IAH1: variants seen among roughly 807,000 people sequenced by gnomAD.
The protein encoded by IAH1 is isoamyl acetate hydrolyzing esterase 1 (putative).
In IAH1, 24 loss-of-function variants were observed where a neutral mutation model predicts 26.7. That is an observed-to-expected ratio of 0.90 (90% confidence interval 0.65 to 1.26). IAH1 has a LOEUF of 1.26. Among genes scored for constraint, IAH1 ranks in the 50% most tolerant of loss-of-function variants. The probability of loss-of-function intolerance (pLI) is 0.00; values close to 1 mark genes in which losing one functional copy is unlikely to be tolerated. For synonymous variants in IAH1, 140 were observed against 118.5 expected, an observed-to-expected ratio of 1.18 and a Z score of -1.18; for missense variants, 300 against 299.9, an observed-to-expected ratio of 1.00 and a Z score of 0.00.
chr2:9,490,664 T>C (rs181123889), downstream of IAH1: 4 of 830,180 alleles, frequency 4.8e-6, no homozygotes, highest in East Asian at 1.1e-4. Flanking sequence ...TCACTCAACC[T>C]AAGTGACTAA....
chr2:9,502,933 G>A, the IAH1 span, among the ~76,000 whole-genome samples: 148 of 149,966 alleles, frequency 9.9e-4, no homozygotes, highest in African/African-American at 3.5e-3. Flanking sequence ...GAGGTTAGGG[G>A]TTTGAGACCA....
downstream of IAH1, among the ~76,000 whole-genome samples, chr2:9,500,277 G>T (rs948721220): frequency 2.0e-4 from 31 of 152,170 alleles, no homozygotes; most frequent in African/African-American, 7.0e-4. Context: ...GCTATGTTCA[G>T]TGAAAGAAGC....
rs1180822722 is a variant in IAH1, at chr2:9,474,584, C to A, written c.18C>A (p.Ala6=). 2.0e-6 allele frequency: 3 copies of A among 1,528,306 alleles called. No individual in the cohort carries two copies. The highest frequency in any genetic ancestry group is 1.4e-5 in the African/African-American group (1 of 69,252). 94.7% of individuals were successfully genotyped at this position (1,528,306 alleles called of 1,614,324 possible). ...GCTGCTCCATGGCGCTGTGCGAGGC[C>A]GCGGGCTGCGGGAGTGCCCTGCTCT... MALCE[A]AGCGSALLWP... is the part of the protein sequence containing the mutation. The change falls in exon 1 of 6, where the codon GCC becomes GCA. Residue 6 remains alanine, a synonymous_variant. Transcript: ENST00000497473. This position sits in a 1 kb window ranked among gnomAD's most constrained non-coding sequence, Gnocchi z 4.3.
rs1660762147 is a variant in IAH1 at position 9,476,012 on chromosome 2, G to GA, written c.108dup (p.Ala37SerfsTer5). On this transcript the variant is annotated frameshift_variant, in exon 2 of 6. Coordinates refer to ENST00000497473, the MANE Select transcript of IAH1 (RefSeq NM_001039613.3). LOFTEE classifies it high-confidence loss of function. ...TTTTCCTTCCAGCAGGGTGGATGGG[G>GA]AGCATCGCTGGCTGACAGGCTGGTC... The GA allele has an allele frequency of 6.2e-7, 1 of 1,613,846 alleles. No individual in the cohort carries two copies. The highest frequency in any genetic ancestry group is 1.3e-5 in the African/African-American group (1 of 75,038).
downstream of IAH1, among the ~76,000 whole-genome samples, chr2:9,500,125 CA>C (rs1662912499): frequency 6.6e-6 from 1 of 152,126 alleles, no homozygotes; most frequent in East Asian, 1.9e-4. Context: ...TTTGTTATAG[CA>C]AAAAAGTGGA....
At chr2:9,490,450 CTG>C, downstream of IAH1, 1 of 1,614,084 alleles carries the variant, frequency 6.2e-7, no homozygotes, top group Non-Finnish European at 8.5e-7. Context: ...GGCCTGGAGT[CTG>C]GGGCGCAGGA....
the IAH1 span, among the ~76,000 whole-genome samples, chr2:9,503,794 C>T: frequency 2.8e-4 from 42 of 149,214 alleles, no homozygotes; most frequent in African/African-American, 8.7e-4. Flanking sequence ...GCCAAGATCA[C>T]GCCACTGCAC....
downstream of IAH1, among the ~76,000 whole-genome samples, chr2:9,499,891 TA>T (rs1484449265): frequency 1.3e-5 from 2 of 152,260 alleles, no homozygotes; most frequent in Admixed American, 1.3e-4. Context: ...CTAGGATAGT[TA>T]CAATAAAAAA....
downstream of IAH1, chr2:9,497,376 GC>G: frequency 8.4e-7 from 1 of 1,193,298 alleles, no homozygotes; most frequent in Non-Finnish European, 1.2e-6. Context: ...GACCTACAGA[GC>G]TAGGACAAGA....
chr2:9,499,847 C>T (rs957748547), downstream of IAH1, among the ~76,000 whole-genome samples: 1 of 152,186 alleles, frequency 6.6e-6, no homozygotes, highest in Admixed American at 6.5e-5. Flanking sequence ...CCCTGAAGAC[C>T]TCCAGCTTTC....
intron 3 of IAH1, among the ~76,000 whole-genome samples, chr2:9,480,119 A>G (rs896122500): frequency 6.6e-6 from 1 of 152,018 alleles, no homozygotes; most frequent in African/African-American, 2.4e-5. Context: ...GTGTATTGCT[A>G]TTTATATATA....
intron 6 of IAH1, chr2:9,494,934 G>C: frequency 1.3e-6 from 1 of 742,228 alleles, no homozygotes; most frequent in Non-Finnish European, 2.0e-6. Context: ...TAGTTTCTGA[G>C]GTCACACTCC....
At chr2:9,490,402 T>G, downstream of IAH1, 3 of 1,614,112 alleles carry the variant, frequency 1.9e-6, no homozygotes, top group Non-Finnish European at 2.5e-6. Flanking sequence ...GTTTTGGAGC[T>G]GCTGGCGCCG....
At chr2:9,499,110 CTTCTTTTTTT>C (rs755144209), downstream of IAH1, among the ~76,000 whole-genome samples, 1 of 138,684 alleles carries the variant, frequency 7.2e-6, no homozygotes, top group Non-Finnish European at 1.5e-5. Flanking sequence ...TTTCTTTCTT[CTTCTTTTTTT>C]TTTTTTTTTT....
At chr2:9,511,881 G>A in the IAH1 span, among the ~76,000 whole-genome samples, 1 of 150,836 alleles carries the variant, frequency 6.6e-6, no homozygotes, top group African/African-American at 2.4e-5. Context: ...TGAGCCAGAA[G>A]AATTGCTTGA....
chr2:9,497,044 G>A, downstream of IAH1: 15 of 1,572,732 alleles, frequency 9.5e-6, no homozygotes, highest in Non-Finnish European at 1.2e-5. Flanking sequence ...ACCTCCAAAT[G>A]GAGGAAGGGA....
At chr2:9,492,510 CAT>C (rs1410077517), downstream of IAH1, among the ~76,000 whole-genome samples, 1 of 152,152 alleles carries the variant, frequency 6.6e-6, no homozygotes, top group East Asian at 1.9e-4. Context: ...CAATAATCTA[CAT>C]GATATATGGG....
intron 2 of IAH1, among the ~76,000 whole-genome samples, chr2:9,476,488 A>T (rs1318301660): frequency 6.6e-6 from 1 of 152,224 alleles, no homozygotes; most frequent in Non-Finnish European, 1.5e-5. Flanking sequence ...GTCTCTTGTT[A>T]GGCGCGTCCA....
chr2:9,487,729 A>G (rs1395372966), intron 5 of IAH1, among the ~76,000 whole-genome samples: 1 of 151,832 alleles, frequency 6.6e-6, no homozygotes, highest in African/African-American at 2.4e-5. Flanking sequence ...CAGGGCCACA[A>G]ATGAGAGAAT....
Sources: allele counts gnomAD v4.1 joint callset (sites outside exome capture counted in the v4.1 genomes callset), GRCh38; gene constraint gnomAD v4.1.1; non-coding constraint Gnocchi (gnomAD v3.1); transcripts MANE v1.5; gene names NCBI Gene and HGNC (gene_info 2026-07-23, HGNC 2026-07-21).